FAM53B: variants seen among roughly 807,000 people sequenced by gnomAD.
The protein encoded by FAM53B is protein FAM53B.
FAM53B carries 12 observed loss-of-function variants against 32.7 expected under a neutral mutation model. That is an observed-to-expected ratio of 0.37 (90% CI 0.24 to 0.59). The LOEUF (loss-of-function observed/expected upper bound fraction) is 0.59, where lower values mean the gene tolerates loss of function less well. Ranked by LOEUF, FAM53B falls within the 20% of genes least tolerant of loss-of-function variation. The probability of loss-of-function intolerance (pLI) is 0.72; values close to 1 mark genes in which losing one functional copy is unlikely to be tolerated. For synonymous variants in FAM53B, 234 were observed against 228.7 expected, an observed-to-expected ratio of 1.02 and a Z score of -0.21; for missense variants, 477 against 577.7, an observed-to-expected ratio of 0.83 and a Z score of 1.79.
chr10:124,669,718 A>G (rs1436201139), intron 4 of FAM53B, among the ~76,000 whole-genome samples: 2 of 152,166 alleles, frequency 1.3e-5, no homozygotes, highest in Non-Finnish European at 2.9e-5. Flanking sequence ...AGGGAGCCCT[A>G]TGGAGACATG....
At chr10:124,675,819 C>A (rs1411257083) in intron 4 of FAM53B, among the ~76,000 whole-genome samples, 2 of 152,240 alleles carry the variant, frequency 1.3e-5, no homozygotes, top group Admixed American at 6.5e-5. Context: ...AGGTGCCTCA[C>A]CATGTGACTT....
At chr10:124,629,797 A>G (rs1949379117) in intron 4 of FAM53B, among the ~76,000 whole-genome samples, 2 of 152,248 alleles carry the variant, frequency 1.3e-5, no homozygotes, top group African/African-American at 4.8e-5. Context: ...AAAAGGCACA[A>G]GCATATTTTT....
At chr10:124,658,704 T>G (rs1949611173) in intron 4 of FAM53B, among the ~76,000 whole-genome samples, 1 of 152,180 alleles carries the variant, frequency 6.6e-6, no homozygotes, top group African/African-American at 2.4e-5. Context: ...GCAACATCCC[T>G]GCACTTCACC....
intron 3 of FAM53B, among the ~76,000 whole-genome samples, chr10:124,684,197 C>G (rs571348192): frequency 1.4e-4 from 22 of 152,226 alleles, no homozygotes; most frequent in African/African-American, 5.3e-4. Flanking sequence ...AGGAGAGAAA[C>G]CTTCCAAAAG....
chr10:124,633,606 T>C (rs1226641179), intron 4 of FAM53B, among the ~76,000 whole-genome samples: 1 of 152,204 alleles, frequency 6.6e-6, no homozygotes, highest in African/African-American at 2.4e-5. Context: ...CGTACATGCA[T>C]ACCTACAGAG....
intron 4 of FAM53B, chr10:124,623,869 C>A (rs372102917): frequency 2.1e-5 from 10 of 466,246 alleles, no homozygotes; most frequent in Admixed American, 7.9e-5. Flanking sequence ...TTGATGCAGA[C>A]CCAGTTCTGG....
At chr10:124,690,440 C>T (rs776915879) in intron 3 of FAM53B, among the ~76,000 whole-genome samples, 2 of 152,238 alleles carry the variant, frequency 1.3e-5, no homozygotes, top group African/African-American at 2.4e-5. Context: ...GGCTGCCTAA[C>T]TTGACCATTT....
At chr10:124,717,682 G>C (rs1034170456) in intron 1 of FAM53B, among the ~76,000 whole-genome samples, 9 of 152,182 alleles carry the variant, frequency 5.9e-5, no homozygotes, top group Non-Finnish European at 1.3e-4. Context: ...GTGAGGATGG[G>C]GATGTATGCG....
At chr10:124,724,366 A>G (rs1220948905) in intron 1 of FAM53B, among the ~76,000 whole-genome samples, 1 of 152,140 alleles carries the variant, frequency 6.6e-6, no homozygotes, top group Non-Finnish European at 1.5e-5. Flanking sequence ...AGCTGCCACA[A>G]CATCGGCCAG....
intron 4 of FAM53B, among the ~76,000 whole-genome samples, chr10:124,647,075 G>A (rs1949520469): frequency 6.6e-6 from 1 of 152,230 alleles, no homozygotes; most frequent in Non-Finnish European, 1.5e-5. Context: ...TGAAGAGGCA[G>A]GACTGGTGAG....
chr10:124,665,134 C>T (rs965571542), intron 4 of FAM53B, among the ~76,000 whole-genome samples: 2 of 152,210 alleles, frequency 1.3e-5, no homozygotes, highest in Non-Finnish European at 2.9e-5. Flanking sequence ...GGGCTTCAGG[C>T]CCCAGCAGTT....
At chr10:124,739,261 G>A (rs777842102) in intron 1 of FAM53B, among the ~76,000 whole-genome samples, 2 of 152,240 alleles carry the variant, frequency 1.3e-5, no homozygotes, top group African/African-American at 2.4e-5. Context: ...CTCCTTCCTG[G>A]CTTTCTGCCT....
intron 4 of FAM53B, chr10:124,671,152 G>A (rs931929095): frequency 4.9e-5 from 22 of 453,576 alleles, no homozygotes; most frequent in African/African-American, 3.6e-4. Flanking sequence ...GCCATGCCGC[G>A]TGACCTGCAG....
At chr10:124,647,508 C>T (rs1949525221) in intron 4 of FAM53B, among the ~76,000 whole-genome samples, 1 of 152,206 alleles carries the variant, frequency 6.6e-6, no homozygotes, top group East Asian at 1.9e-4. Context: ...TCGCCAAGAC[C>T]CCACCACATG....
intron 1 of FAM53B, among the ~76,000 whole-genome samples, chr10:124,714,578 G>A (rs935769918): frequency 1.3e-5 from 2 of 151,736 alleles, no homozygotes; most frequent in Non-Finnish European, 2.9e-5. Context: ...GGCTAACACG[G>A]TGAAACCCCT....
At chr10:124,706,405 T>G (rs1949958670) in intron 2 of FAM53B, among the ~76,000 whole-genome samples, 1 of 152,138 alleles carries the variant, frequency 6.6e-6, no homozygotes, top group Admixed American at 6.5e-5. Context: ...TGGCCTCCCC[T>G]CCTCATTCAC....
chr10:124,649,600 A>G (rs1207380217), intron 4 of FAM53B, among the ~76,000 whole-genome samples: 1 of 152,216 alleles, frequency 6.6e-6, no homozygotes, highest in African/African-American at 2.4e-5. Flanking sequence ...GAGCTTCCAG[A>G]CCAAGCCTCA....
At chr10:124,634,598 C>T (rs916449359) in intron 4 of FAM53B, among the ~76,000 whole-genome samples, 4 of 152,242 alleles carry the variant, frequency 2.6e-5, no homozygotes, top group Admixed American at 6.5e-5. Flanking sequence ...CCCCTTCCGC[C>T]ATGACTGTAA....
At chr10:124,715,177 C>T (rs1175316026) in intron 1 of FAM53B, among the ~76,000 whole-genome samples, 1 of 152,204 alleles carries the variant, frequency 6.6e-6, no homozygotes, top group East Asian at 1.9e-4. Flanking sequence ...TCTAATACAG[C>T]CCATCCTGAG....
Sources: gnomAD v4.1 joint callset for allele counts (sites outside exome capture counted in the v4.1 genomes callset) on GRCh38, gnomAD v4.1.1 for gene constraint, MANE v1.5 for transcripts, NCBI Gene and HGNC (gene_info 2026-07-23, HGNC 2026-07-21) for gene names.